The following PCF11 variants were observed in gnomAD, a reference collection of about 807,000 sequenced individuals.
The protein encoded by PCF11 is PCF11 cleavage and polyadenylation factor subunit, also known as pre-mRNA cleavage complex 2 protein Pcf11.
In PCF11, 19 loss-of-function variants were observed where a neutral mutation model predicts 166.1. The observed-to-expected ratio is 0.11, with a 90% CI of 0.08 to 0.17. PCF11 has a LOEUF of 0.17. Among genes scored for constraint, PCF11 ranks in the 10% least tolerant of loss-of-function variants. The pLI is 1.00. For synonymous variants in PCF11, 663 were observed against 644.1 expected, an observed-to-expected ratio of 1.03 and a Z score of -0.44; for missense variants, 1,565 against 1,855.5, an observed-to-expected ratio of 0.84 and a Z score of 2.88.
At chr11:83,165,275 C>T (rs1206440125) in intron 4 of PCF11, among the ~76,000 whole-genome samples, 3 of 152,058 alleles carry the variant, frequency 2.0e-5, no homozygotes, top group South Asian at 2.1e-4. Flanking sequence ...CTTGTGCAGC[C>T]GGAGTGTAGT....
exon 3 of PCF11, chr11:83,163,727 G>A: frequency 1.9e-6 from 3 of 1,590,662 alleles, no homozygotes; most frequent in Non-Finnish European, 2.6e-6. Context: ...TTCTACATGG[G>A]ATGAAATATT....
chr11:83,167,425 G>C lies in PCF11; in HGVS notation c.2012G>C (p.Arg671Pro). The change falls in exon 7 of 16, where the codon CGT (arginine) becomes CCT (proline). Residue 671 changes from arginine (R) to proline (P), a missense_variant. This residue lies in a region of PCF11 where 26 missense variants were observed against 63.3 expected (regional missense o/e 0.41). Coordinates refer to ENST00000298281, the Ensembl canonical transcript of PCF11. The surrounding 1 kb of genome is among the most constrained non-coding windows in gnomAD (Gnocchi z 4.2). ...ATCACCCCTATACAGACGAGTGAAC[G>C]TTTAGCATCTGGTGAAATTACACAG... The C allele has an allele frequency of 6.3e-7, 1 of 1,598,122 alleles. No individual in the cohort carries two copies. The highest frequency in any genetic ancestry group is 2.2e-5 in the East Asian group (1 of 44,798).
Position 83,163,998 on chromosome 11 carries a change from A to C in PCF11, c.507+131A>C, listed in dbSNP as rs2135419979. On this transcript the variant is annotated intron_variant, in intron 3 of 15. Coordinates refer to ENST00000298281, the Ensembl canonical transcript of PCF11. ...ATTGGTTCAATTTGAAAAAAAAAAA[A>C]ATAGTGTGTATATGTTTGGAATTTT... The C allele has an allele frequency of 5.1e-6, 3 of 587,562 alleles. No individual in the cohort carries two copies. In the East Asian group the frequency reaches 9.1e-5, roughly 18 times the overall value. The allele number at this position is 587,562 out of a possible 1,614,324, so 36.4% of individuals were successfully genotyped here. A position where few individuals can be genotyped will look rare whatever the true frequency, so the allele number is the denominator to read the frequency against.
At chr11:83,172,339 C>G (rs1305625630) in intron 9 of PCF11, among the ~76,000 whole-genome samples, 1 of 152,118 alleles carries the variant, frequency 6.6e-6, no homozygotes, top group Non-Finnish European at 1.5e-5. Context: ...GCTTTCCTAG[C>G]CAGGTTCACT....
intron 11 of PCF11, chr11:83,180,188 AG>A (rs758641742): frequency 6.6e-6 from 1 of 151,172 alleles, no homozygotes; most frequent in Non-Finnish European, 1.5e-5. Flanking sequence ...TCCCGATTCA[AG>A]TGATTCTCCT....
At chr11:83,168,297 C>T in intron 7 of PCF11, 131 bp from the exon 8 acceptor site, 1 of 846,896 alleles carries the variant, frequency 1.2e-6, no homozygotes, top group African/African-American at 1.7e-5. Flanking sequence ...CTCTTATCTG[C>T]TGCTTTACGC....
intron 1 of PCF11, among the ~76,000 whole-genome samples, chr11:83,161,014 GCCT>G (rs751191201): frequency 3.9e-5 from 6 of 152,122 alleles, no homozygotes; most frequent in East Asian, 1.9e-4. Context: ...ATTTTCCCTC[GCCT>G]CCTCCTTATT....
At chr11:83,165,909 C>T in exon 5 of PCF11, 1 of 1,607,612 alleles carries the variant, frequency 6.2e-7, no homozygotes, top group Non-Finnish European at 8.5e-7. Flanking sequence ...CTCTGAAAAA[C>T]TAAATTCATC....
At chr11:83,169,124 T>G (rs1860584003) in exon 8 of PCF11, 4 of 1,613,722 alleles carry the variant, frequency 2.5e-6, no homozygotes, top group Non-Finnish European at 3.4e-6. Flanking sequence ...GCGATTAGGT[T>G]TGATGGACCT....
In PCF11 at chr11:83,173,719, C is replaced by CTTTTTTTTTTTTTTTTTTT. The variant is rs869126679; in HGVS notation, c.3757+1815_3757+1833dup. ...AATTTTCTTGTTTCTTTCTTTCTTTCTTTTTTTTTTTTTTTTTTTTTTTTT... is the reference window on the plus strand; with the variant it reads ...AATTTTCTTGTTTCTTTCTTTCTTTCTTTTTTTTTTTTTTTTTTTTTTTTTTTTTTTTTTTTTTTTTTTT... On this transcript the variant is annotated intron_variant, in intron 9 of 15. Transcript: ENST00000298281. Among the ~76,000 whole-genome samples, 77 of 59,076 alleles carry CTTTTTTTTTTTTTTTTTTT rather than the reference C, an allele frequency of 1.3e-3. 1 individual carries two copies. Among genetic ancestry groups the CTTTTTTTTTTTTTTTTTTT allele is most frequent in the East Asian group, 2.0e-3 (3 of 1,516 alleles). 38.8% of individuals were successfully genotyped at this position (59,076 alleles called of 152,430 possible).
chr11:83,161,439 G>A (rs991762900), exon 2 of PCF11: 2 of 1,585,364 alleles, frequency 1.3e-6, no homozygotes, highest in Non-Finnish European at 1.7e-6. Flanking sequence ...ACATTTATTT[G>A]TGTGTTTGAA....
intron 10 of PCF11, among the ~76,000 whole-genome samples, chr11:83,177,412 A>G (rs1456992845): frequency 6.6e-6 from 1 of 152,210 alleles, no homozygotes; most frequent in Non-Finnish European, 1.5e-5. Context: ...TGTTTCAGTT[A>G]ACTAACATAC....
At chr11:83,163,218 C>T (rs79318688) in intron 2 of PCF11, among the ~76,000 whole-genome samples, 201 of 152,290 alleles carry the variant, frequency 1.3e-3, no homozygotes, top group African/African-American at 4.5e-3. Flanking sequence ...ATGTACCCAA[C>T]CATATAGTAT....
Position 83,167,673 on chromosome 11 carries a change from G to C in PCF11, c.2092+168G>C. The C allele has an allele frequency of 6.6e-7, 1 of 1,523,050 alleles. No individual in the cohort carries two copies. Among genetic ancestry groups the C allele is most frequent in the Non-Finnish European group, 8.8e-7 (1 of 1,138,922 alleles). 94.3% of individuals were successfully genotyped at this position (1,523,050 alleles called of 1,614,324 possible). A position where few individuals can be genotyped will look rare whatever the true frequency, so the allele number is the denominator to read the frequency against. ...TCCAAGACTTGATCTCTTAGATCCT[G>C]ATATTTTTGACTACCCTTTGACTGA... On this transcript the variant is annotated intron_variant, in intron 7 of 15. Transcript: ENST00000298281. This position sits in a 1 kb window ranked among gnomAD's most constrained non-coding sequence, Gnocchi z 4.2.
chr11:83,168,688 A>G (rs180688936), exon 8 of PCF11: 1 of 1,613,922 alleles, frequency 6.2e-7, no homozygotes, highest in East Asian at 2.2e-5. Flanking sequence ...TGGACCTCCC[A>G]CACCAGCTTC....
At position 83,169,158 on chromosome 11, in the gene PCF11, C is replaced by T. The variant is rs746860306; in HGVS notation, c.2823C>T (p.Ile941=). 1.7e-5 allele frequency: 27 copies of T among 1,611,854 alleles called. No homozygotes were observed. In the Admixed American group the frequency reaches 2.2e-4, roughly 13 times the overall value. ...CTCATGGTCAGCCAGGAGGTGGAATCAGATTTGAGGGCCCTTTGCTACAGC... is the reference window on the plus strand; with the variant it reads ...CTCATGGTCAGCCAGGAGGTGGAATTAGATTTGAGGGCCCTTTGCTACAGC... Residue 941 remains isoleucine (I), a synonymous_variant, in exon 8 of 16, where the codon ATC becomes ATT. Transcript: ENST00000298281.
chr11:83,161,831 T>A (rs1049620887), intron 2 of PCF11, among the ~76,000 whole-genome samples: 3 of 152,110 alleles, frequency 2.0e-5, no homozygotes, highest in Non-Finnish European at 4.4e-5. Context: ...ACTGTTCTCT[T>A]GGGGGGGTAA....
At chr11:83,181,940 C>T in exon 13 of PCF11, 1 of 1,612,510 alleles carries the variant, frequency 6.2e-7, no homozygotes, top group Non-Finnish European at 8.5e-7. Context: ...AAGTTGTGCT[C>T]AAAACTCAAG....
chr11:83,161,710 AGT>A (rs1311940154), intron 2 of PCF11, among the ~76,000 whole-genome samples: 1 of 152,190 alleles, frequency 6.6e-6, no homozygotes, highest in African/African-American at 2.4e-5. Context: ...AAAAAAATTG[AGT>A]GTGTTCATTT....
Sources: gnomAD v4.1 joint callset for allele counts (sites outside exome capture counted in the v4.1 genomes callset) on GRCh38, gnomAD v4.1.1 for gene constraint, gnomAD v4.1.1 regional missense constraint, Gnocchi (gnomAD v3.1) non-coding constraint, MANE v1.5 for transcripts, NCBI Gene and HGNC (gene_info 2026-07-23, HGNC 2026-07-21) for gene names.